The following GPHN variants were observed in gnomAD, a reference collection of about 807,000 sequenced individuals.
The protein encoded by GPHN is gephyrin.
A neutral mutation model predicts 95.5 loss-of-function variants in GPHN; 17 were observed. The observed-to-expected ratio is 0.18, with a 90% CI of 0.12 to 0.27. The LOEUF (loss-of-function observed/expected upper bound fraction) is 0.27. Ranked by LOEUF, GPHN falls within the 10% of genes least tolerant of loss-of-function variation. The probability of loss-of-function intolerance (pLI) is 1.00; values close to 1 mark genes in which losing one functional copy is unlikely to be tolerated. For synonymous variants in GPHN, 320 were observed against 322.5 expected, an observed-to-expected ratio of 0.99 and a Z score of 0.08; for missense variants, 660 against 978.1, an observed-to-expected ratio of 0.67 and a Z score of 4.34.
the GPHN span, among the ~76,000 whole-genome samples, chr14:67,668,466 TAC>T: frequency 2.0e-5 from 3 of 152,226 alleles, no homozygotes; most frequent in Non-Finnish European, 4.4e-5. Context: ...TTTGGAGAAA[TAC>T]AGTTTTTGTT....
At chr14:67,212,621 TA>T in the GPHN span, among the ~76,000 whole-genome samples, 1 of 145,308 alleles carries the variant, frequency 6.9e-6, no homozygotes, top group Non-Finnish European at 1.5e-5. Context: ...ATATGTAATA[TA>T]TATTATATAT....
intron 4 of GPHN, among the ~76,000 whole-genome samples, chr14:66,868,139 A>G (rs751342763): frequency 6.6e-6 from 1 of 152,186 alleles, no homozygotes; most frequent in African/African-American, 2.4e-5. Flanking sequence ...ATTAGCTGGT[A>G]TTTCAAAGAT....
chr14:67,006,543 G>A (rs1034090405), intron 9 of GPHN, among the ~76,000 whole-genome samples: 2 of 152,082 alleles, frequency 1.3e-5, no homozygotes, highest in African/African-American at 4.8e-5. Flanking sequence ...TTGTGTGTCT[G>A]CACTGAAGGA....
intron 9 of GPHN, among the ~76,000 whole-genome samples, chr14:67,016,678 C>G (rs2073331095): frequency 6.6e-6 from 1 of 152,072 alleles, no homozygotes; most frequent in African/African-American, 2.4e-5. Flanking sequence ...GAGGAGATAA[C>G]TTTACTAAAA....
intron 8 of GPHN, among the ~76,000 whole-genome samples, chr14:66,963,499 G>C (rs1056869222): frequency 3.9e-5 from 6 of 152,056 alleles, no homozygotes; most frequent in African/African-American, 1.4e-4. Context: ...TAAATGTTGT[G>C]ATACTTTCTG....
chr14:66,810,446 C>T (rs964157321), intron 3 of GPHN, among the ~76,000 whole-genome samples: 1 of 151,416 alleles, frequency 6.6e-6, no homozygotes, highest in African/African-American at 2.4e-5. Flanking sequence ...ATTTGTCTAG[C>T]TATATTCATC....
intron 2 of GPHN, among the ~76,000 whole-genome samples, chr14:66,746,430 A>G (rs1595765834): frequency 1.3e-5 from 2 of 152,030 alleles, no homozygotes; most frequent in Admixed American, 1.3e-4. Context: ...CCTTGGCTCT[A>G]TTTTACAAGA....
At chr14:67,729,214 G>A in the GPHN span, 1 of 1,612,416 alleles carries the variant, frequency 6.2e-7, no homozygotes, top group Non-Finnish European at 8.5e-7. Flanking sequence ...CACCTACGCA[G>A]TGCACCCAGG....
the GPHN span, chr14:67,662,579 C>G: frequency 9.7e-6 from 15 of 1,551,018 alleles, no homozygotes; most frequent in Non-Finnish European, 1.2e-5. Context: ...ACTGTTTCCA[C>G]ACATTTGTAA....
intron 8 of GPHN, among the ~76,000 whole-genome samples, chr14:66,961,764 G>A (rs1029066369): frequency 6.6e-6 from 1 of 150,802 alleles, no homozygotes; most frequent in Non-Finnish European, 1.5e-5. Context: ...CAACAATGCT[G>A]GGTGGAACTG....
intron 1 of GPHN, among the ~76,000 whole-genome samples, chr14:66,680,076 A>C (rs2066852779): frequency 6.6e-6 from 1 of 152,216 alleles, no homozygotes; most frequent in African/African-American, 2.4e-5. Context: ...CTCAATTATG[A>C]ATCTTACTGC....
At chr14:66,696,169 T>C (rs1303014243) in intron 2 of GPHN, among the ~76,000 whole-genome samples, 1 of 152,220 alleles carries the variant, frequency 6.6e-6, no homozygotes, top group African/African-American at 2.4e-5. Context: ...TATGAATTTC[T>C]TTTTCCTTTA....
chr14:67,174,928 G>GT (rs1567450046), intron 21 of GPHN, among the ~76,000 whole-genome samples: 1 of 152,034 alleles, frequency 6.6e-6, no homozygotes, highest in South Asian at 2.1e-4. Flanking sequence ...TGATGGGGTT[G>GT]TTTTTTTCTT....
chr14:66,934,138 C>CA (rs376252931), intron 8 of GPHN, among the ~76,000 whole-genome samples: 30,092 of 78,606 alleles, frequency 0.38, 6,838 homozygotes, highest in African/African-American at 0.65. Context: ...GACTCTGTCT[C>CA]AAAAAAAAAA....
At chr14:66,977,477 G>T (rs144034505) in intron 9 of GPHN, among the ~76,000 whole-genome samples, 1 of 151,902 alleles carries the variant, frequency 6.6e-6, no homozygotes, top group Non-Finnish European at 1.5e-5. Flanking sequence ...CTCTAGAAAT[G>T]TATCCAAAAT....
chr14:66,962,713 GCTCT>G (rs543181979), intron 8 of GPHN, among the ~76,000 whole-genome samples: 1 of 150,744 alleles, frequency 6.6e-6, no homozygotes, highest in African/African-American at 2.4e-5. Context: ...CTTCTTTTCA[GCTCT>G]CTCTCTCTAT....
chr14:67,607,429 C>T, the GPHN span, among the ~76,000 whole-genome samples: 3 of 152,048 alleles, frequency 2.0e-5, no homozygotes, highest in East Asian at 1.9e-4. Flanking sequence ...TCCAGTGGCG[C>T]GATCTCGGCT....
intron 6 of GPHN, among the ~76,000 whole-genome samples, chr14:66,921,520 G>C (rs1250994309): frequency 6.6e-6 from 1 of 150,992 alleles, no homozygotes; most frequent in South Asian, 2.1e-4. Flanking sequence ...CAGATGAGTA[G>C]ATTGTGAAGA....
Position 67,181,590 on chromosome 14 carries a change from G to A in GPHN, c.*653G>A, listed in dbSNP as rs1048834816. 4.6e-6 allele frequency: 2 copies of A among 434,606 alleles called. No homozygotes were observed. Among genetic ancestry groups the A allele is most frequent in the Non-Finnish European group, 8.9e-6 (2 of 224,786 alleles). The allele number at this position is 434,606 out of a possible 1,614,324, so 26.9% of individuals were successfully genotyped here. A position where few individuals can be genotyped will look rare whatever the true frequency, so the allele number is the denominator to read the frequency against. Reference sequence around the variant, plus strand: ...AACTGAAGAAAAAATGCTTCCTTAAGTGCTGACAGCCTTTTTAACCAATAC... The same window carrying A: ...AACTGAAGAAAAAATGCTTCCTTAAATGCTGACAGCCTTTTTAACCAATAC... On this transcript the variant is annotated 3_prime_UTR_variant, in exon 23 of 23. Transcript: ENST00000478722.
Sources: gnomAD v4.1 joint callset for allele counts (sites outside exome capture counted in the v4.1 genomes callset) on GRCh38, gnomAD v4.1.1 for gene constraint, MANE v1.5 for transcripts, NCBI Gene and HGNC (gene_info 2026-07-23, HGNC 2026-07-21) for gene names.